Variants in PIEZO2 observed in about 807,000 individuals in gnomAD.
PIEZO2 encodes piezo type mechanosensitive ion channel component 2, also known as piezo-type mechanosensitive ion channel component 2.
PIEZO2 carries 172 observed loss-of-function variants against 337.3 expected under a neutral mutation model. The ratio of observed to expected loss-of-function variants is 0.51; its 90% CI spans 0.45 to 0.58. PIEZO2 has a LOEUF of 0.58. Among genes scored for constraint, PIEZO2 ranks in the 20% least tolerant of loss-of-function variants. The pLI is 0.00. For synonymous variants in PIEZO2, 1,251 were observed against 1,228.5 expected (o/e 1.02, Z -0.38); for missense variants, 3,028 against 3,391.3 (o/e 0.89, Z 2.66).
chr18:10,860,573 T>C (rs767389442), intron 5 of PIEZO2, among the ~76,000 whole-genome samples: 20 of 152,130 alleles, frequency 1.3e-4, no homozygotes, highest in African/African-American at 2.7e-4. Flanking sequence ...CTGTTGCTTC[T>C]TTCCCCATCA....
At chr18:11,086,454 G>A (rs1439549680) in intron 1 of PIEZO2, among the ~76,000 whole-genome samples, 3 of 151,366 alleles carry the variant, frequency 2.0e-5, no homozygotes, top group Non-Finnish European at 4.4e-5. Flanking sequence ...GGGAGGCGGA[G>A]CTTGCAGTGA....
chr18:10,919,547 C>A (rs2031245165), intron 3 of PIEZO2, among the ~76,000 whole-genome samples: 1 of 152,072 alleles, frequency 6.6e-6, no homozygotes, highest in Non-Finnish European at 1.5e-5. Context: ...AAAGACCCTG[C>A]CACACCTACT....
At position 11,077,533 on chromosome 18, in the gene PIEZO2, G is replaced by A. The variant is rs952063346; in HGVS notation, c.65-11311C>T. Among the ~76,000 whole-genome samples the A allele has an allele frequency of 7.2e-5, 11 of 152,164 alleles. No individual in the cohort carries two copies. The highest frequency in any genetic ancestry group is 1.6e-4 in the Non-Finnish European group (11 of 68,032). On this transcript the variant is annotated intron_variant, in intron 1 of 55. Transcript: ENST00000674853. The surrounding 1 kb of genome is among the most constrained non-coding windows in gnomAD (Gnocchi z 4.8). ...AAAAAAGAAAAAACTAGCTGGGCAT[G>A]GTGGTGCATGCCTATAGTCCCAGCT...
chr18:10,696,220 C>T lies in PIEZO2; in HGVS notation c.7044G>A (p.Val2348=). The T allele has an allele frequency of 1.2e-6, 2 of 1,614,186 alleles. No homozygotes were observed. Among genetic ancestry groups the T allele is most frequent in the Non-Finnish European group, 1.7e-6 (2 of 1,179,994 alleles). The change falls in exon 47 of 56, where the codon GTG becomes GTA. Residue 2348 remains valine, a synonymous_variant. Coordinates refer to ENST00000674853, the MANE Select transcript of PIEZO2 (RefSeq NM_001378183.1). ...TGGTTCCAAACTGAATGAGGACCAT[C>T]ACCAAAAACGGCCCCGGGACCTGGT... ...SEDQVPGPFL[V]MVLIQFGTMV...
intron 27 of PIEZO2, among the ~76,000 whole-genome samples, chr18:10,756,288 T>C (rs1385093163): frequency 2.7e-5 from 4 of 148,212 alleles, no homozygotes; most frequent in African/African-American, 1.0e-4. Context: ...AGAGGAGGGA[T>C]GCAGGATGAG....
intron 18 of PIEZO2, among the ~76,000 whole-genome samples, chr18:10,777,667 C>G (rs897904015): frequency 2.0e-5 from 3 of 152,138 alleles, no homozygotes; most frequent in African/African-American, 7.2e-5. Context: ...TGTAAAATCT[C>G]CTTAGTCTGA....
At chr18:11,017,482 CTTT>C (rs35472040) in intron 2 of PIEZO2, among the ~76,000 whole-genome samples, 1 of 141,462 alleles carries the variant, frequency 7.1e-6, no homozygotes, top group African/African-American at 2.6e-5. Flanking sequence ...TGCAGTTTTG[CTTT>C]TTTTTTTTTT....
Position 11,143,629 on chromosome 18 carries a change from ACACACACACACTCTCT to A in PIEZO2, c.64+4880_64+4895del, listed in dbSNP as rs1484290138. Among the ~76,000 whole-genome samples, 160 of 87,102 alleles carry A rather than the reference ACACACACACACTCTCT, an allele frequency of 1.8e-3. No individual in the cohort carries two copies. The highest frequency in any genetic ancestry group is 8.7e-3 in the African/African-American group (133 of 15,254). 57.1% of individuals were successfully genotyped at this position (87,102 alleles called of 152,430 possible). On this transcript the variant is annotated intron_variant, in intron 1 of 55. Transcript: ENST00000674853. The surrounding 1 kb of genome is among the most constrained non-coding windows in gnomAD (Gnocchi z 4.9). ...CACACACACACACACACACACACAC[ACACACACACACTCTCT>A]CTCTCTCTCTCTCTCTCTCTCTCTC...
intron 13 of PIEZO2, among the ~76,000 whole-genome samples, chr18:10,792,463 C>T (rs928439938): frequency 3.3e-5 from 5 of 152,158 alleles, no homozygotes; most frequent in Admixed American, 6.5e-5. Context: ...TAGCCAACCA[C>T]GAATTTACTT....
intron 40 of PIEZO2, 28 bp from the exon 41 acceptor site, chr18:10,705,774 C>CTTT: frequency 1.3e-6 from 2 of 1,488,412 alleles, no homozygotes; most frequent in Non-Finnish European, 1.8e-6. Flanking sequence ...GGGCACAGAG[C>CTTT]CCATGTCTTA....
In PIEZO2 at chr18:11,136,057, T is replaced by C. The variant is rs79514348; in HGVS notation, c.64+12468A>G. Among the ~76,000 whole-genome samples the C allele has an allele frequency of 1.8e-3, 272 of 152,362 alleles. 1 individual carries two copies. The highest frequency in any genetic ancestry group is 5.9e-3 in the African/African-American group (246 of 41,580). On this transcript the variant is annotated intron_variant, in intron 1 of 55. Coordinates refer to ENST00000674853, the MANE Select transcript of PIEZO2 (RefSeq NM_001378183.1). Reference sequence around the variant, plus strand: ...TTGCTCAAAAAATTTTGATACCCAATTTAAGAAATGCTTTAGGGACTGTGT... The same window carrying C: ...TTGCTCAAAAAATTTTGATACCCAACTTAAGAAATGCTTTAGGGACTGTGT...
intron 2 of PIEZO2, among the ~76,000 whole-genome samples, chr18:11,063,976 A>G (rs1434310972): frequency 6.6e-6 from 1 of 152,114 alleles, no homozygotes; most frequent in Non-Finnish European, 1.5e-5. Context: ...CATTGGAAGA[A>G]GAAGAATTGT....
chr18:10,760,837 G>A, intron 24 of PIEZO2, 74 bp downstream of exon 24: 1 of 1,251,594 alleles, frequency 8.0e-7, no homozygotes, highest in Non-Finnish European at 1.1e-6. Context: ...AAGTTCCAGT[G>A]GCCAATTGGC....
Position 11,128,204 on chromosome 18 carries a change from A to G in PIEZO2, c.64+20321T>C, listed in dbSNP as rs904713456. 3.3e-5 allele frequency among the ~76,000 whole-genome samples: 5 copies of G among 152,166 alleles called. No homozygotes were observed. On this transcript the variant is annotated intron_variant, in intron 1 of 55. Transcript: ENST00000674853. The surrounding 1 kb of genome is among the most constrained non-coding windows in gnomAD (Gnocchi z 4.1). The stretch of plus-strand genomic sequence containing the variant: ...TTCAGTGGACAAAGTGATGAAAGAA[A>G]ATGATGAACTCAGGGATTCTGTCTC...
At position 10,979,248 on chromosome 18, in the gene PIEZO2, T is replaced by G. The variant is rs1274875484; in HGVS notation, c.286+287A>C. ...GAAAGCTCCAAGGGCTGTCTGTAACTCTTGAATTTTAGGTTAAGCTCAATG... is the reference window on the plus strand; with the variant it reads ...GAAAGCTCCAAGGGCTGTCTGTAACGCTTGAATTTTAGGTTAAGCTCAATG... On this transcript the variant is annotated intron_variant, in intron 3 of 55. Transcript: ENST00000674853. This position sits in a 1 kb window ranked among gnomAD's most constrained non-coding sequence, Gnocchi z 4.0. 6.6e-6 allele frequency among the ~76,000 whole-genome samples: 1 copy of G among 151,960 alleles called. No individual in the cohort carries two copies. Among genetic ancestry groups the G allele is most frequent in the Non-Finnish European group, 1.5e-5 (1 of 67,982 alleles).
At chr18:11,100,787 G>T (rs550368376) in intron 1 of PIEZO2, among the ~76,000 whole-genome samples, 4 of 152,080 alleles carry the variant, frequency 2.6e-5, no homozygotes, top group African/African-American at 9.7e-5. Context: ...AGTAGAGACA[G>T]GGTTTCACCG....
At chr18:11,053,188 A>G (rs1309014132) in intron 2 of PIEZO2, among the ~76,000 whole-genome samples, 1 of 152,216 alleles carries the variant, frequency 6.6e-6, no homozygotes, top group Non-Finnish European at 1.5e-5. Flanking sequence ...TGAACTTAGT[A>G]GAGAGGGCTA....
chr18:11,054,126 G>T (rs80312784), intron 2 of PIEZO2, among the ~76,000 whole-genome samples: 1 of 152,136 alleles, frequency 6.6e-6, no homozygotes, highest in African/African-American at 2.4e-5. Flanking sequence ...TTTAATGCAG[G>T]ACAATCTCAA....
chr18:10,719,636 T>C (rs2036171738), intron 36 of PIEZO2, among the ~76,000 whole-genome samples: 1 of 152,216 alleles, frequency 6.6e-6, no homozygotes, highest in Admixed American at 6.5e-5. Context: ...ATTTATGCTA[T>C]TGTGAATAGT....
Sources: allele counts gnomAD v4.1 joint callset (sites outside exome capture counted in the v4.1 genomes callset), GRCh38; gene constraint gnomAD v4.1.1; non-coding constraint Gnocchi (gnomAD v3.1); transcripts MANE v1.5; gene names NCBI Gene and HGNC (gene_info 2026-07-23, HGNC 2026-07-21).